The following ENTREP2 variants were observed in gnomAD, a reference collection of about 807,000 sequenced individuals.
ENTREP2 encodes protein ENTREP2.
the ENTREP2 span, among the ~76,000 whole-genome samples, chr15:29,498,077 G>A: frequency 2.6e-5 from 4 of 152,236 alleles, no homozygotes; most frequent in Admixed American, 6.5e-5. Flanking sequence ...TGCTTTTCTC[G>A]TGTTAGTGAC....
chr15:29,202,196 G>A, the ENTREP2 span, among the ~76,000 whole-genome samples: 1 of 151,994 alleles, frequency 6.6e-6, no homozygotes, highest in African/African-American at 2.4e-5. Context: ...TGTTGTTGAT[G>A]TTGTCAAAGT....
chr15:29,487,029 G>C, the ENTREP2 span, among the ~76,000 whole-genome samples: 1 of 152,142 alleles, frequency 6.6e-6, no homozygotes, highest in African/African-American at 2.4e-5. Flanking sequence ...CAAAAAGCTA[G>C]AATAGAGGAT....
the ENTREP2 span, among the ~76,000 whole-genome samples, chr15:29,286,375 A>G: frequency 3.3e-4 from 51 of 152,350 alleles, no homozygotes; most frequent in African/African-American, 1.2e-3. Context: ...CTATTTTCCA[A>G]TAACAAAATA....
the ENTREP2 span, among the ~76,000 whole-genome samples, chr15:29,174,224 T>C: frequency 6.6e-6 from 1 of 152,238 alleles, no homozygotes; most frequent in Admixed American, 6.5e-5. Flanking sequence ...CTGCATCCCT[T>C]GTACATCAAG....
the ENTREP2 span, among the ~76,000 whole-genome samples, chr15:29,249,004 C>T: frequency 6.6e-5 from 10 of 152,212 alleles, no homozygotes; most frequent in Non-Finnish European, 1.5e-4. Flanking sequence ...GTAGTCACTA[C>T]CAATAAAGTT....
chr15:29,619,469 C>T, the ENTREP2 span, among the ~76,000 whole-genome samples: 1 of 152,026 alleles, frequency 6.6e-6, no homozygotes, highest in African/African-American at 2.4e-5. Flanking sequence ...AACTGAAACA[C>T]TGAGGGTTAA....
the ENTREP2 span, among the ~76,000 whole-genome samples, chr15:29,220,632 T>C: frequency 2.0e-5 from 3 of 152,194 alleles, no homozygotes; most frequent in African/African-American, 4.8e-5. Context: ...TCGAAAAATA[T>C]ATATCTAAAG....
the ENTREP2 span, among the ~76,000 whole-genome samples, chr15:29,377,393 TG>T: frequency 6.6e-6 from 1 of 151,956 alleles, no homozygotes; most frequent in African/African-American, 2.4e-5. Flanking sequence ...TGTGTGTGTG[TG>T]GAGAACGGAT....
the ENTREP2 span, among the ~76,000 whole-genome samples, chr15:29,364,459 C>G: frequency 1.8e-3 from 274 of 152,292 alleles, no homozygotes; most frequent in African/African-American, 6.1e-3. Context: ...CAGTTTCCCA[C>G]CACGCTTGTT....
the ENTREP2 span, among the ~76,000 whole-genome samples, chr15:29,127,213 C>A: frequency 3.3e-5 from 5 of 152,126 alleles, no homozygotes; most frequent in African/African-American, 1.2e-4. Flanking sequence ...GGGGCTGGAT[C>A]GGAGTCTGTT....
chr15:29,504,708 C>T, the ENTREP2 span, among the ~76,000 whole-genome samples: 1 of 152,196 alleles, frequency 6.6e-6, no homozygotes, highest in Admixed American at 6.5e-5. Flanking sequence ...GGAGGAAATA[C>T]TTGAATCTTA....
chr15:29,429,497 G>A, the ENTREP2 span, among the ~76,000 whole-genome samples: 2 of 152,150 alleles, frequency 1.3e-5, no homozygotes, highest in Non-Finnish European at 2.9e-5. Flanking sequence ...CTAGGATCAC[G>A]GGCATAAGCC....
chr15:29,476,563 C>A, the ENTREP2 span, among the ~76,000 whole-genome samples: 1 of 152,238 alleles, frequency 6.6e-6, no homozygotes, highest in Non-Finnish European at 1.5e-5. Flanking sequence ...CACCACCAGG[C>A]AGGGCCAGAC....
the ENTREP2 span, among the ~76,000 whole-genome samples, chr15:29,541,816 G>C: frequency 2.3e-4 from 35 of 152,274 alleles, no homozygotes; most frequent in South Asian, 6.4e-3. Flanking sequence ...GCGAGGTCGT[G>C]GGGAAGAAAG....
At chr15:29,177,075 G>A in the ENTREP2 span, among the ~76,000 whole-genome samples, 1 of 152,168 alleles carries the variant, frequency 6.6e-6, no homozygotes, top group Non-Finnish European at 1.5e-5. Context: ...TTGGAGGGAC[G>A]CCCAGCTCTC....
At chr15:29,259,294 C>T in the ENTREP2 span, among the ~76,000 whole-genome samples, 1 of 152,202 alleles carries the variant, frequency 6.6e-6, no homozygotes, top group Admixed American at 6.5e-5. Flanking sequence ...AGAGTCACCA[C>T]ATTACAATAT....
the ENTREP2 span, among the ~76,000 whole-genome samples, chr15:29,137,588 A>T: frequency 1.3e-5 from 2 of 152,122 alleles, no homozygotes; most frequent in African/African-American, 4.8e-5. Context: ...TAATCCCAGC[A>T]CTTTGTGAGG....
chr15:29,362,311 T>C, the ENTREP2 span, among the ~76,000 whole-genome samples: 2 of 152,086 alleles, frequency 1.3e-5, no homozygotes, highest in African/African-American at 4.8e-5. Flanking sequence ...CATTTAATTA[T>C]GATTTTTGAG....
the ENTREP2 span, among the ~76,000 whole-genome samples, chr15:29,514,927 C>T: frequency 1.3e-5 from 2 of 152,172 alleles, no homozygotes. Flanking sequence ...TTCAACACGG[C>T]AGGATAGACA....
Sources: gnomAD v4.1 joint callset for allele counts (sites outside exome capture counted in the v4.1 genomes callset) on GRCh38, gnomAD v4.1.1 for gene constraint, MANE v1.5 for transcripts, NCBI Gene and HGNC (gene_info 2026-07-23, HGNC 2026-07-21) for gene names.